Variants in IFT74 observed in about 807,000 individuals in gnomAD.
The protein encoded by IFT74 is intraflagellar transport protein 74 homolog.
IFT74 carries 92 observed loss-of-function variants against 96.7 expected under a neutral mutation model. That is an observed-to-expected ratio of 0.95 (90% CI 0.80 to 1.13). IFT74 has a LOEUF of 1.13. Ranked by LOEUF, IFT74 falls within the 50% of genes most tolerant of loss-of-function variation. The pLI, the probability that IFT74 is intolerant of heterozygous loss-of-function variation, is 0.00. For missense variants in IFT74, 811 were observed against 698.2 expected (o/e 1.16, Z -1.82); for synonymous variants, 223 against 213.2 (o/e 1.05, Z -0.40).
chr9:27,040,288 C>G (rs547465857), intron 13 of IFT74, among the ~76,000 whole-genome samples: 1 of 152,070 alleles, frequency 6.6e-6, no homozygotes, highest in African/African-American at 2.4e-5. Context: ...CAGTGGCTCA[C>G]GCCTGTAATC....
intron 2 of IFT74, 136 bp from the exon 3 acceptor site, chr9:26,977,992 C>A: frequency 1.6e-6 from 1 of 641,272 alleles, no homozygotes; most frequent in Non-Finnish European, 2.6e-6. Flanking sequence ...ATAATTCAGA[C>A]ATTTAAAAAA....
chr9:27,052,530 A>AG (rs1411690314), intron 16 of IFT74, among the ~76,000 whole-genome samples: 1 of 149,204 alleles, frequency 6.7e-6, no homozygotes, highest in Non-Finnish European at 1.5e-5. Context: ...AAAAAAAAAA[A>AG]GTAGTCATTA....
intron 4 of IFT74, chr9:26,982,147 C>G (rs1827407431): frequency 5.4e-6 from 1 of 185,268 alleles, no homozygotes; most frequent in African/African-American, 2.4e-5. Context: ...CCAGCTACAT[C>G]TAATAAGAAA....
chr9:27,028,934 C>A, intron 12 of IFT74, 91 bp from the exon 13 acceptor site: 2 of 1,138,398 alleles, frequency 1.8e-6, no homozygotes, highest in Non-Finnish European at 1.2e-6. Context: ...ATTGTTTATG[C>A]AACTTGGAAA....
Position 27,045,260 on chromosome 9 carries a change from C to A in IFT74, c.1108+465C>A, listed in dbSNP as rs192597875. On this transcript the variant is annotated intron_variant, in intron 14 of 19. Coordinates refer to ENST00000380062, the MANE Select transcript of IFT74 (RefSeq NM_025103.4). ...TTGTACTCTTGTTATGAGAATCTAA[C>A]CCCTGATGATCTCAGGTAGAACAGT... is the stretch of plus-strand genomic sequence containing the variant. Among the ~76,000 whole-genome samples the A allele has an allele frequency of 4.1e-3, 629 of 152,270 alleles. 6 individuals are homozygous for A. The highest frequency in any genetic ancestry group is 0.015 in the African/African-American group (613 of 41,544).
intron 2 of IFT74, among the ~76,000 whole-genome samples, chr9:26,971,696 A>G (rs562514131): frequency 6.6e-6 from 1 of 152,272 alleles, no homozygotes; most frequent in South Asian, 2.1e-4. Context: ...GCCCTGGGAC[A>G]TGTACAATAG....
At chr9:26,991,380 C>T (rs1467343559) in intron 8 of IFT74, among the ~76,000 whole-genome samples, 1 of 152,020 alleles carries the variant, frequency 6.6e-6, no homozygotes, top group Non-Finnish European at 1.5e-5. Context: ...GCCACTATGC[C>T]CAGCTAATTT....
intron 12 of IFT74, among the ~76,000 whole-genome samples, chr9:27,023,619 T>G (rs185173387): frequency 2.6e-5 from 4 of 152,292 alleles, no homozygotes; most frequent in Admixed American, 2.6e-4. Context: ...ATAGTTTTCT[T>G]TTTTTTGTTA....
chr9:26,958,356 G>T (rs1563931741), intron 1 of IFT74, among the ~76,000 whole-genome samples: 2 of 152,206 alleles, frequency 1.3e-5, no homozygotes, highest in Admixed American at 6.5e-5. Flanking sequence ...TTATGGACTG[G>T]TCATGGAAGG....
rs1051343127 is a variant in IFT74 at position 26,976,671 on chromosome 9, A to G, written c.121-1457A>G. ...GGCATGTAGTAAAATCAGAAAGAAG[A>G]AAAAAGGAGAAGAAAGGCAGGGGGT... On this transcript the variant is annotated intron_variant, in intron 2 of 19. Transcript: ENST00000380062. 7.5e-5 allele frequency: 33 copies of G among 439,062 alleles called. 1 individual carries two copies. The highest frequency in any genetic ancestry group is 5.4e-4 in the South Asian group (33 of 61,570). The allele number at this position is 439,062 out of a possible 1,614,324, so 27.2% of individuals were successfully genotyped here. A position where few individuals can be genotyped will look rare whatever the true frequency, so the allele number is the denominator to read the frequency against.
chr9:27,007,766 G>A (rs940236316), intron 8 of IFT74, among the ~76,000 whole-genome samples: 5 of 152,204 alleles, frequency 3.3e-5, no homozygotes, highest in South Asian at 2.1e-4. Context: ...ATCTATGAGC[G>A]AAAGAGAGTA....
At chr9:27,038,678 C>T (rs1286416877) in intron 13 of IFT74, among the ~76,000 whole-genome samples, 1 of 152,148 alleles carries the variant, frequency 6.6e-6, no homozygotes, top group African/African-American at 2.4e-5. Flanking sequence ...TAGAGAAACC[C>T]TTACCAACAA....
chr9:27,011,812 G>T lies in IFT74; in HGVS notation c.727-94G>T, dbSNP rs368670615. On this transcript the variant is annotated intron_variant, in intron 9 of 19. Transcript: ENST00000380062. Reference sequence around the variant, plus strand: ...TCACTTTGAAATGTTGAGAAACAGAGAAATAAATTTTTTTTCCCAGCTCCC... The same window carrying T: ...TCACTTTGAAATGTTGAGAAACAGATAAATAAATTTTTTTTCCCAGCTCCC... The T allele has an allele frequency of 8.5e-5, 53 of 623,432 alleles. No individual in the cohort carries two copies. In the South Asian group the frequency reaches 1.1e-3, roughly 13 times the overall value. The allele number at this position is 623,432 out of a possible 1,614,324, so 38.6% of individuals were successfully genotyped here.
chr9:26,977,790 A>G (rs77444445), intron 2 of IFT74, among the ~76,000 whole-genome samples: 1 of 152,290 alleles, frequency 6.6e-6, no homozygotes, highest in Non-Finnish European at 1.5e-5. Flanking sequence ...CACCCAACTT[A>G]AACTGCCCTT....
chr9:27,023,909 A>G (rs1320650421), intron 12 of IFT74, among the ~76,000 whole-genome samples: 5 of 152,178 alleles, frequency 3.3e-5, no homozygotes, highest in Admixed American at 6.5e-5. Context: ...AAGACAAAAG[A>G]CATAAACTTG....
intron 18 of IFT74, among the ~76,000 whole-genome samples, chr9:27,059,521 CA>C (rs1820319054): frequency 2.0e-5 from 3 of 152,076 alleles, no homozygotes; most frequent in Non-Finnish European, 2.9e-5. Flanking sequence ...GAAACAATGA[CA>C]AAAAAGTCTG....
intron 10 of IFT74, among the ~76,000 whole-genome samples, chr9:27,012,676 A>C (rs938932411): frequency 6.6e-6 from 1 of 151,046 alleles, no homozygotes; most frequent in African/African-American, 2.4e-5. Flanking sequence ...ATGGTTTAAA[A>C]ATAGTTGAAC....
chr9:26,951,534 T>C (rs546433868), upstream of IFT74, among the ~76,000 whole-genome samples: 5 of 152,212 alleles, frequency 3.3e-5, no homozygotes, highest in South Asian at 1.0e-3. Context: ...AAATTGAGGC[T>C]ACAAATATGT....
At chr9:27,038,811 G>A (rs1046496131) in intron 13 of IFT74, among the ~76,000 whole-genome samples, 1 of 152,182 alleles carries the variant, frequency 6.6e-6, no homozygotes, top group African/African-American at 2.4e-5. Context: ...ACAGGTGCAA[G>A]TGTTAAAGGG....
Sources: gnomAD v4.1 joint callset for allele counts (sites outside exome capture counted in the v4.1 genomes callset) on GRCh38, gnomAD v4.1.1 for gene constraint, MANE v1.5 for transcripts, NCBI Gene and HGNC (gene_info 2026-07-23, HGNC 2026-07-21) for gene names.